Variants in SUPT3H observed in about 807,000 individuals in gnomAD.
The protein encoded by SUPT3H is transcription initiation protein SPT3 homolog.
Under a neutral mutation model 44.3 loss-of-function variants are expected in SUPT3H, and 44 were observed. That is an observed-to-expected ratio of 0.99 (90% confidence interval 0.78 to 1.28). SUPT3H has a LOEUF of 1.28. SUPT3H is among the 50% of genes most tolerant of loss of function. The pLI is 0.00. For synonymous variants in SUPT3H, 124 were observed against 125.6 expected, an observed-to-expected ratio of 0.99 and a Z score of 0.09; for missense variants, 380 against 387.1, an observed-to-expected ratio of 0.98 and a Z score of 0.15.
At chr6:44,994,900 C>T (rs1425930903) in intron 6 of SUPT3H, among the ~76,000 whole-genome samples, 5 of 151,700 alleles carry the variant, frequency 3.3e-5, no homozygotes, top group African/African-American at 1.2e-4. Flanking sequence ...CAAAACCTTT[C>T]CCTAGCTGCT....
intron 3 of SUPT3H, among the ~76,000 whole-genome samples, chr6:45,031,111 TCATGCAG>T: frequency 6.6e-6 from 1 of 152,334 alleles, no homozygotes; most frequent in Admixed American, 6.5e-5. Flanking sequence ...TGAGGTAACA[TCATGCAG>T]CATATAGCTA....
chr6:45,154,334 A>T (rs1046413246), intron 2 of SUPT3H, among the ~76,000 whole-genome samples: 1 of 151,866 alleles, frequency 6.6e-6, no homozygotes, highest in African/African-American at 2.4e-5. Flanking sequence ...CTGAACAATT[A>T]AAAAAAAGAA....
chr6:45,125,712 C>A (rs1044347364), intron 2 of SUPT3H, among the ~76,000 whole-genome samples: 3 of 151,918 alleles, frequency 2.0e-5, no homozygotes, highest in Non-Finnish European at 4.4e-5. Flanking sequence ...CAGATTATGG[C>A]TTCAGTAAAC....
At chr6:45,007,617 T>C (rs543765477) in intron 5 of SUPT3H, among the ~76,000 whole-genome samples, 2 of 152,274 alleles carry the variant, frequency 1.3e-5, no homozygotes, top group South Asian at 2.1e-4. Flanking sequence ...ATTGTTCTCC[T>C]TACTTTTTAA....
intron 5 of SUPT3H, among the ~76,000 whole-genome samples, chr6:45,007,970 T>G (rs2153508375): frequency 6.6e-6 from 1 of 152,302 alleles, no homozygotes; most frequent in African/African-American, 2.4e-5. Context: ...TCATTTAGCT[T>G]AATATTTTCA....
intron 2 of SUPT3H, among the ~76,000 whole-genome samples, chr6:45,163,081 A>C (rs564840393): frequency 6.6e-6 from 1 of 152,182 alleles, no homozygotes. Flanking sequence ...AGAAGTGGGG[A>C]GATTACATAT....
At chr6:45,342,660 C>G (rs558353693) in intron 2 of SUPT3H, among the ~76,000 whole-genome samples, 1 of 151,970 alleles carries the variant, frequency 6.6e-6, no homozygotes, top group African/African-American at 2.4e-5. Flanking sequence ...ATTTTGGAAG[C>G]CTTTTTTTTT....
intron 10 of SUPT3H, among the ~76,000 whole-genome samples, chr6:44,879,429 G>A (rs1011501826): frequency 3.9e-5 from 6 of 152,230 alleles, no homozygotes; most frequent in Non-Finnish European, 5.9e-5. Context: ...GCCCCAGTCA[G>A]GGGCTTACAG....
At chr6:45,341,754 T>C (rs1789830105) in intron 2 of SUPT3H, among the ~76,000 whole-genome samples, 1 of 152,208 alleles carries the variant, frequency 6.6e-6, no homozygotes, top group African/African-American at 2.4e-5. Flanking sequence ...CAGATTCTGG[T>C]ACCCTATCTG....
At chr6:45,173,597 C>T (rs1022788303) in intron 2 of SUPT3H, among the ~76,000 whole-genome samples, 1 of 152,200 alleles carries the variant, frequency 6.6e-6, no homozygotes, top group Non-Finnish European at 1.5e-5. Flanking sequence ...ACATCTGACA[C>T]CTGTAGTAGA....
chr6:45,078,838 T>A (rs1159146416), intron 3 of SUPT3H, among the ~76,000 whole-genome samples: 1 of 152,214 alleles, frequency 6.6e-6, no homozygotes, highest in East Asian at 1.9e-4. Flanking sequence ...TTCCCTTATA[T>A]GTGACTCAGT....
intron 6 of SUPT3H, among the ~76,000 whole-genome samples, chr6:44,962,098 T>C (rs1402573127): frequency 6.6e-6 from 1 of 152,178 alleles, no homozygotes; most frequent in Non-Finnish European, 1.5e-5. Context: ...TTTTCTGACT[T>C]GTATCATCCT....
chr6:45,077,652 A>AT (rs1451179597), intron 3 of SUPT3H, among the ~76,000 whole-genome samples: 1 of 147,396 alleles, frequency 6.8e-6, no homozygotes, highest in Non-Finnish European at 1.5e-5. Context: ...AGAAAAGAAA[A>AT]AAAAAAGTGT....
intron 6 of SUPT3H, among the ~76,000 whole-genome samples, chr6:44,995,124 T>C (rs1562222149): frequency 6.6e-6 from 1 of 151,578 alleles, no homozygotes; most frequent in East Asian, 1.9e-4. Flanking sequence ...TCTGAAATAT[T>C]TGAGAATCTA....
intron 10 of SUPT3H, among the ~76,000 whole-genome samples, chr6:44,916,938 C>T (rs1767898040): frequency 6.6e-6 from 1 of 151,952 alleles, no homozygotes; most frequent in Admixed American, 6.6e-5. Flanking sequence ...GAGTTCAAGG[C>T]TGTGGGTAAC....
At chr6:45,066,221 C>T (rs1023489095) in intron 3 of SUPT3H, among the ~76,000 whole-genome samples, 13 of 151,890 alleles carry the variant, frequency 8.6e-5, no homozygotes, top group African/African-American at 3.1e-4. Context: ...ACATGATTAT[C>T]TCAATAGGTG....
At chr6:45,212,065 C>G (rs750896253) in intron 2 of SUPT3H, among the ~76,000 whole-genome samples, 1 of 151,890 alleles carries the variant, frequency 6.6e-6, no homozygotes, top group Non-Finnish European at 1.5e-5. Context: ...ACTCTGGATG[C>G]TGAGATGAGA....
chr6:44,920,071 G>C (rs1489281887), intron 10 of SUPT3H, among the ~76,000 whole-genome samples: 3 of 151,940 alleles, frequency 2.0e-5, no homozygotes, highest in Non-Finnish European at 4.4e-5. Flanking sequence ...GTAAAGACAG[G>C]GTTTCACTGT....
intron 9 of SUPT3H, among the ~76,000 whole-genome samples, chr6:44,944,997 T>C (rs1255068535): frequency 2.6e-5 from 4 of 152,100 alleles, no homozygotes; most frequent in Non-Finnish European, 4.4e-5. Flanking sequence ...AAGCAAGTCT[T>C]ATCAGTGCCA....
Sources: allele counts gnomAD v4.1 joint callset (sites outside exome capture counted in the v4.1 genomes callset), GRCh38; gene constraint gnomAD v4.1.1; transcripts MANE v1.5; gene names NCBI Gene and HGNC (gene_info 2026-07-23, HGNC 2026-07-21).